Variants in UTRN observed in about 807,000 individuals in gnomAD.
The protein encoded by UTRN is utrophin, also known as dystrophin-related protein 1.
A neutral mutation model predicts 463.9 loss-of-function variants in UTRN; 283 were observed. That is an observed-to-expected ratio of 0.61 (90% CI 0.55 to 0.67). The LOEUF is 0.67. Ranked by LOEUF, UTRN falls within the 30% of genes least tolerant of loss-of-function variation. The pLI is 0.00. For missense variants in UTRN, 3,922 were observed against 4,084.3 expected (o/e 0.96, Z 1.08); for synonymous variants, 1,442 against 1,431.5 (o/e 1.01, Z -0.17).
At chr6:144,818,997 CT>C (rs2128752493) in intron 65 of UTRN, among the ~76,000 whole-genome samples, 2 of 147,346 alleles carry the variant, frequency 1.4e-5, no homozygotes, top group South Asian at 4.3e-4. Flanking sequence ...AATTCTTTTT[CT>C]TTTCATGAAT....
chr6:144,530,463 T>C (rs1796943221), intron 41 of UTRN, among the ~76,000 whole-genome samples: 1 of 152,210 alleles, frequency 6.6e-6, no homozygotes, highest in African/African-American at 2.4e-5. Flanking sequence ...TTGGACATAA[T>C]TCAGTATATA....
intron 2 of UTRN, among the ~76,000 whole-genome samples, chr6:144,325,712 A>G (rs1319703751): frequency 6.6e-6 from 1 of 152,156 alleles, no homozygotes; most frequent in Non-Finnish European, 1.5e-5. Context: ...TCATTTTGAA[A>G]TGGGAGGGGC....
chr6:144,824,596 A>C (rs1166197471), intron 66 of UTRN, among the ~76,000 whole-genome samples: 1,530 of 53,706 alleles, frequency 0.028, 101 homozygotes, highest in African/African-American at 0.14. Context: ...ATATATATAT[A>C]TATATATATA....
intron 3 of UTRN, among the ~76,000 whole-genome samples, chr6:144,419,014 A>G (rs777777980): frequency 1.3e-5 from 2 of 151,544 alleles, no homozygotes; most frequent in African/African-American, 4.9e-5. Context: ...CGCTTTACCT[A>G]TATAATATAT....
chr6:144,785,567 T>G (rs1268719673), intron 61 of UTRN, among the ~76,000 whole-genome samples: 1 of 152,164 alleles, frequency 6.6e-6, no homozygotes, highest in Non-Finnish European at 1.5e-5. Context: ...TTTTTCCAAT[T>G]TTAACATGTA....
rs539478391 is a variant in UTRN at position 144,786,984 on chromosome 6, A to C, written c.8835-2210A>C. Among the ~76,000 whole-genome samples, 3 of 152,280 alleles carry C rather than the reference A, an allele frequency of 2.0e-5. No homozygotes were observed. In the South Asian group the frequency reaches 6.2e-4, roughly 32 times the overall value. On this transcript the variant is annotated intron_variant, in intron 61 of 74. Transcript: ENST00000367545. ...AGCCTTTGTAACTGGTGATGGTGTG[A>C]TGAATGGGTGATTGACAGCATCAGT... is the stretch of plus-strand genomic sequence containing the variant.
chr6:144,494,759 G>A (rs1418837375), intron 33 of UTRN, among the ~76,000 whole-genome samples: 1 of 152,178 alleles, frequency 6.6e-6, no homozygotes, highest in Non-Finnish European at 1.5e-5. Context: ...TAGATACAGA[G>A]TGTTGATTGG....
intron 23 of UTRN, among the ~76,000 whole-genome samples, chr6:144,473,457 T>C (rs1241004616): frequency 6.6e-6 from 1 of 152,210 alleles, no homozygotes; most frequent in African/African-American, 2.4e-5. Flanking sequence ...AAATCATAAC[T>C]ATTGCTTGCA....
chr6:144,419,146 C>T (rs570917434), intron 3 of UTRN, among the ~76,000 whole-genome samples: 15 of 152,326 alleles, frequency 9.8e-5, no homozygotes, highest in African/African-American at 3.1e-4. Flanking sequence ...GCCACTTCTG[C>T]CCATTGCTTT....
intron 41 of UTRN, among the ~76,000 whole-genome samples, chr6:144,527,246 A>G (rs969838997): frequency 2.0e-5 from 3 of 152,190 alleles, no homozygotes; most frequent in East Asian, 3.9e-4. Flanking sequence ...TCTTTCCTTC[A>G]TTTATGAAGC....
chr6:144,713,269 A>G (rs1432917917), intron 53 of UTRN, among the ~76,000 whole-genome samples: 1 of 152,162 alleles, frequency 6.6e-6, no homozygotes, highest in East Asian at 1.9e-4. Context: ...TATTGCATAT[A>G]TTAGCTGGAT....
chr6:144,469,331 A>G (rs1321624916), intron 23 of UTRN, among the ~76,000 whole-genome samples: 1 of 152,214 alleles, frequency 6.6e-6, no homozygotes, highest in Non-Finnish European at 1.5e-5. Flanking sequence ...ATAATAAAGC[A>G]GTTGGTTTTG....
rs770541646 is a variant in UTRN at position 144,827,404 on chromosome 6, A to G, written c.9533+18A>G. On this transcript the variant is annotated intron_variant, in intron 67 of 74. Coordinates refer to ENST00000367545, the MANE Select transcript of UTRN (RefSeq NM_007124.3). ...CACTATGAGTGAGTATTCATAGCCC[A>G]CGTGCAGGAGAGGTGTTCTGATCAG... The G allele has an allele frequency of 1.2e-6, 2 of 1,613,220 alleles. No individual in the cohort carries two copies. Among genetic ancestry groups the G allele is most frequent in the Admixed American group, 1.7e-5 (1 of 59,946 alleles).
At chr6:144,626,282 G>A (rs1775932824) in intron 51 of UTRN, among the ~76,000 whole-genome samples, 1 of 152,158 alleles carries the variant, frequency 6.6e-6, no homozygotes, top group African/African-American at 2.4e-5. Context: ...CACAGGGTCA[G>A]TAATAAATAG....
At chr6:144,544,294 G>A (rs1798216435) in intron 46 of UTRN, among the ~76,000 whole-genome samples, 1 of 152,094 alleles carries the variant, frequency 6.6e-6, no homozygotes, top group African/African-American at 2.4e-5. Context: ...CCATTTTAAA[G>A]TGAACAATTT....
chr6:144,574,445 T>C (rs1801240005), intron 50 of UTRN, among the ~76,000 whole-genome samples: 1 of 152,228 alleles, frequency 6.6e-6, no homozygotes, highest in African/African-American at 2.4e-5. Flanking sequence ...TTCCATTGTA[T>C]CCCTGTACCA....
At chr6:144,570,127 A>G (rs1585325195) in intron 50 of UTRN, among the ~76,000 whole-genome samples, 1 of 152,286 alleles carries the variant, frequency 6.6e-6, no homozygotes, top group Admixed American at 6.5e-5. Context: ...GGTAGGGGAA[A>G]CTATGGGATG....
intron 53 of UTRN, among the ~76,000 whole-genome samples, chr6:144,705,058 A>G (rs577142352): frequency 6.6e-6 from 1 of 152,328 alleles, no homozygotes; most frequent in Non-Finnish European, 1.5e-5. Flanking sequence ...TTGAAAGTCC[A>G]GTGTCACATT....
chr6:144,614,833 C>T (rs1805906841), intron 51 of UTRN, among the ~76,000 whole-genome samples: 2 of 152,046 alleles, frequency 1.3e-5, no homozygotes, highest in South Asian at 4.2e-4. Context: ...CTAAGTTGTT[C>T]TCCTCTTAGG....
Sources: gnomAD v4.1 joint callset for allele counts (sites outside exome capture counted in the v4.1 genomes callset) on GRCh38, gnomAD v4.1.1 for gene constraint, MANE v1.5 for transcripts, NCBI Gene and HGNC (gene_info 2026-07-23, HGNC 2026-07-21) for gene names.